The following FAM91A1 variants were observed in gnomAD, a reference collection of about 807,000 sequenced individuals.
FAM91A1 encodes the protein family with sequence similarity 91 member A1.
Under a neutral mutation model 113.5 loss-of-function variants are expected in FAM91A1, and 41 were observed. The observed-to-expected ratio is 0.36, with a 90% confidence interval of 0.28 to 0.47. The LOEUF (loss-of-function observed/expected upper bound fraction) is 0.47. Among genes scored for constraint, FAM91A1 ranks in the 20% least tolerant of loss-of-function variants. The pLI is 1.00. For synonymous variants in FAM91A1, 307 were observed against 347.9 expected, an observed-to-expected ratio of 0.88 and a Z score of 1.31; for missense variants, 696 against 1,001.2, an observed-to-expected ratio of 0.70 and a Z score of 4.11.
intron 17 of FAM91A1, 23 bp from the exon 18 acceptor site, chr8:123,799,749 A>G (rs1393812265): frequency 1.2e-6 from 2 of 1,606,144 alleles, no homozygotes; most frequent in Admixed American, 1.7e-5. Context: ...ATGCCATTTT[A>G]CCTGTTAATT....
At chr8:123,786,644 C>T in intron 12 of FAM91A1, 34 bp downstream of exon 12, 1 of 1,501,818 alleles carries the variant, frequency 6.7e-7, no homozygotes, top group Non-Finnish European at 9.3e-7. Flanking sequence ...TAGAGTCTGT[C>T]TGTAGGTACG....
At chr8:123,785,556 A>AT (rs1815231303) in intron 10 of FAM91A1, 73 bp from the exon 11 acceptor site, 2 of 1,045,976 alleles carry the variant, frequency 1.9e-6, no homozygotes, top group Non-Finnish European at 1.4e-6. Context: ...CTATTACACT[A>AT]TTTTTTCTCT....
chr8:123,791,379 T>A (rs182093900), intron 15 of FAM91A1, among the ~76,000 whole-genome samples: 33 of 152,232 alleles, frequency 2.2e-4, no homozygotes, highest in African/African-American at 7.9e-4. Context: ...CATTTGTTGC[T>A]TAGTAGTCTG....
intron 15 of FAM91A1, among the ~76,000 whole-genome samples, chr8:123,794,553 A>G (rs1469488986): frequency 6.6e-6 from 1 of 152,212 alleles, no homozygotes; most frequent in Non-Finnish European, 1.5e-5. Context: ...TCTTGTTGCT[A>G]TTGTGGTGAG....
intron 11 of FAM91A1, 64 bp from the exon 12 acceptor site, chr8:123,786,431 T>C (rs565180475): frequency 1.7e-6 from 2 of 1,150,090 alleles, no homozygotes; most frequent in African/African-American, 1.5e-5. Context: ...TTAACTTCAG[T>C]AGATATTTTA....
intron 22 of FAM91A1, among the ~76,000 whole-genome samples, chr8:123,809,833 A>G (rs1267505676): frequency 3.9e-5 from 6 of 152,230 alleles, no homozygotes; most frequent in Non-Finnish European, 7.3e-5. Flanking sequence ...GATTACCACT[A>G]TAATTTTTAC....
intron 21 of FAM91A1, 152 bp from the exon 22 acceptor site, chr8:123,808,741 A>G: frequency 1.4e-6 from 1 of 695,860 alleles, no homozygotes; most frequent in Non-Finnish European, 2.2e-6. Flanking sequence ...ACCCCCTTCA[A>G]TTTCTTCCTC....
intron 8 of FAM91A1, among the ~76,000 whole-genome samples, chr8:123,782,746 A>T (rs1241901267): frequency 6.6e-6 from 1 of 152,214 alleles, no homozygotes; most frequent in East Asian, 1.9e-4. Flanking sequence ...AACCAATAGC[A>T]TTTGGACAAA....
chr8:123,790,471 A>G (rs1161705168), intron 15 of FAM91A1, among the ~76,000 whole-genome samples: 5 of 152,244 alleles, frequency 3.3e-5, no homozygotes, highest in African/African-American at 7.2e-5. Context: ...CACTTGGCTC[A>G]AGTTCTTAGA....
At chr8:123,812,390 GCATCTCCT>G in intron 23 of FAM91A1, 121 bp from the exon 24 acceptor site, 4 of 650,220 alleles carry the variant, frequency 6.2e-6, no homozygotes, top group East Asian at 3.0e-5. Flanking sequence ...GTAGATCTTT[GCATCTCCT>G]GTACTGCTTT....
At chr8:123,806,514 G>A (rs575887385) in intron 20 of FAM91A1, among the ~76,000 whole-genome samples, 1 of 152,142 alleles carries the variant, frequency 6.6e-6, no homozygotes, top group Non-Finnish European at 1.5e-5. Context: ...TAGGGTGATG[G>A]TTTCAAAACT....
chr8:123,777,211 T>C (rs578022402), intron 3 of FAM91A1, 54 bp from the exon 4 acceptor site: 3 of 1,193,998 alleles, frequency 2.5e-6, no homozygotes, highest in African/African-American at 3.1e-5. Flanking sequence ...TTTATACACA[T>C]TTTTATTTAA....
intron 16 of FAM91A1, among the ~76,000 whole-genome samples, chr8:123,799,206 A>G (rs990474863): frequency 2.0e-5 from 3 of 152,138 alleles, no homozygotes; most frequent in African/African-American, 7.2e-5. Flanking sequence ...CTTTATTGCT[A>G]TTTTATAGAT....
In FAM91A1 at chr8:123,806,136, G is replaced by A; in HGVS notation, c.1939G>A (p.Val647Met). ...AGCATTGCAGATACTAAGGAACAGA[G>A]TGGACTTACAGCATCTCTGTGGATA... is the stretch of plus-strand genomic sequence containing the variant. ...HKALQILRNR[V>M]DLQHLCGYVT... Residue 647 changes from valine (V) to methionine (M), a missense_variant, in exon 20 of 24, where the codon GTG becomes ATG. Val to Met is a conservative substitution (Grantham distance 21). Transcript: ENST00000334705. 6.2e-7 allele frequency: 1 copy of A among 1,613,076 alleles called. No homozygotes were observed. Among genetic ancestry groups the A allele is most frequent in the Middle Eastern group, 1.7e-4 (1 of 5,994 alleles).
rs370616998 is a variant in FAM91A1 at position 123,780,101 on chromosome 8, T to C, written c.640+26T>C. On this transcript the variant is annotated intron_variant, in intron 7 of 23. Transcript: ENST00000334705. The stretch of plus-strand genomic sequence containing the variant: ...GTAAGTGGTTAGTAGAAATGGTCTT[T>C]TGTCAACATAAAAACTTGTTTTAAA... The C allele has an allele frequency of 3.8e-5, 60 of 1,590,682 alleles. No individual in the cohort carries two copies. In the African/African-American group the frequency reaches 7.4e-4, roughly 20 times the overall value.
intron 4 of FAM91A1, 69 bp from the exon 5 acceptor site, chr8:123,777,956 A>G (rs1815027734): frequency 7.4e-6 from 10 of 1,343,884 alleles, no homozygotes; most frequent in East Asian, 7.0e-5. Flanking sequence ...TTTTCCTACA[A>G]TCGCTTGTGA....
At chr8:123,810,487 T>G in intron 23 of FAM91A1, 136 bp downstream of exon 23, 2 of 903,080 alleles carry the variant, frequency 2.2e-6, no homozygotes, top group Admixed American at 2.1e-5. Flanking sequence ...ATGAAGACAT[T>G]GAGATTCAAG....
chr8:123,785,166 G>T (rs1315952079), intron 10 of FAM91A1, 47 bp downstream of exon 10: 1 of 1,400,618 alleles, frequency 7.1e-7, no homozygotes, highest in African/African-American at 1.5e-5. Flanking sequence ...TAACTGAGTG[G>T]ATTTTACTAG....
chr8:123,768,555 A>C lies in FAM91A1; in HGVS notation c.-148A>C. ...GCCCGGGCGGCGCTGAACTGTCGGG[A>C]GCCTAGGCCATGGGGCAGCCTGGGC... is the stretch of plus-strand genomic sequence containing the variant. On this transcript the variant is annotated 5_prime_UTR_variant, in exon 1 of 24. Coordinates refer to ENST00000334705, the MANE Select transcript of FAM91A1 (RefSeq NM_144963.4). 1.6e-6 allele frequency: 1 copy of C among 624,360 alleles called. No individual in the cohort carries two copies. Among genetic ancestry groups the C allele is most frequent in the Non-Finnish European group, 2.7e-6 (1 of 373,408 alleles). The allele number at this position is 624,360 out of a possible 1,614,324, so 38.7% of individuals were successfully genotyped here. A position where few individuals can be genotyped will look rare whatever the true frequency, so the allele number is the denominator to read the frequency against.
Sources: allele counts gnomAD v4.1 joint callset (sites outside exome capture counted in the v4.1 genomes callset), GRCh38; gene constraint gnomAD v4.1.1; transcripts MANE v1.5; gene names NCBI Gene and HGNC (gene_info 2026-07-23, HGNC 2026-07-21).